TMEM17: variants seen among roughly 807,000 people sequenced by gnomAD.
The protein encoded by TMEM17 is transmembrane protein 17.
TMEM17 carries 15 observed loss-of-function variants against 19.1 expected under a neutral mutation model. The observed-to-expected ratio is 0.78, with a 90% CI of 0.52 to 1.21. TMEM17 has a LOEUF of 1.21. TMEM17 is among the 50% of genes most tolerant of loss of function. The pLI is 0.00. For synonymous variants in TMEM17, 103 were observed against 86.9 expected (o/e 1.19, Z -1.03); for missense variants, 245 against 242.3 (o/e 1.01, Z -0.07).
At chr2:62,473,183 T>C in the TMEM17 span, among the ~76,000 whole-genome samples, 1 of 152,222 alleles carries the variant, frequency 6.6e-6, no homozygotes, top group Admixed American at 6.5e-5. Context: ...CTAATTGCTT[T>C]AACAGAAGTA....
downstream of TMEM17, chr2:62,500,119 T>C (rs1230823509): frequency 6.6e-6 from 1 of 152,230 alleles, no homozygotes; most frequent in Non-Finnish European, 1.5e-5. Context: ...GCCCACTACA[T>C]AGAAAGTTCT....
chr2:62,493,641 A>C, the TMEM17 span, among the ~76,000 whole-genome samples: 2 of 152,162 alleles, frequency 1.3e-5, no homozygotes, highest in Non-Finnish European at 2.9e-5. Flanking sequence ...ATGTATTTGG[A>C]TCTGGCATTT....
At chr2:62,498,688 C>A (rs1181500398), downstream of TMEM17, among the ~76,000 whole-genome samples, 2 of 147,774 alleles carry the variant, frequency 1.4e-5, no homozygotes, top group East Asian at 3.9e-4. Flanking sequence ...TGCACTCCAG[C>A]CTGGGCGACA....
the TMEM17 span, among the ~76,000 whole-genome samples, chr2:62,462,590 A>G: frequency 6.6e-6 from 1 of 152,182 alleles, no homozygotes; most frequent in Non-Finnish European, 1.5e-5. Flanking sequence ...ATAAATGTGA[A>G]TTTAGAGACA....
downstream of TMEM17, among the ~76,000 whole-genome samples, chr2:62,499,075 A>G (rs1226533560): frequency 6.6e-6 from 1 of 152,166 alleles, no homozygotes; most frequent in African/African-American, 2.4e-5. Flanking sequence ...CATGGTCTCA[A>G]TTTACTATCT....
chr2:62,478,317 T>C, the TMEM17 span, among the ~76,000 whole-genome samples: 1 of 152,172 alleles, frequency 6.6e-6, no homozygotes, highest in Non-Finnish European at 1.5e-5. Flanking sequence ...GTGTTGCTTG[T>C]AACGAGTTCC....
At chr2:62,473,522 A>G in the TMEM17 span, among the ~76,000 whole-genome samples, 3 of 152,232 alleles carry the variant, frequency 2.0e-5, no homozygotes, top group Non-Finnish European at 4.4e-5. Flanking sequence ...TCTTGGCTGC[A>G]GAACCAGCTT....
Position 62,501,221 on chromosome 2 carries a change from T to C in TMEM17, c.585A>G (p.Ile195Met). 6.2e-7 allele frequency: 1 copy of C among 1,614,160 alleles called. No homozygotes were observed. The highest frequency in any genetic ancestry group is 8.5e-7 in the Non-Finnish European group (1 of 1,180,004). Residue 195 changes from isoleucine (I) to methionine (M), a missense_variant, in exon 4 of 4, where the codon ATA becomes ATG. By Grantham distance (10) the Ile-to-Met change is conservative. Transcript: ENST00000335390. ...RGDMRRMRSCIEEI is the reference protein window; with the variant it reads ...RGDMRRMRSCMEEI ...CAACAACACTGGATCAGATCTCTTCTATACATGACCTCATCCTTCTCATGT... is the reference window on the plus strand; with the variant it reads ...CAACAACACTGGATCAGATCTCTTCCATACATGACCTCATCCTTCTCATGT...
At chr2:62,481,162 C>G in the TMEM17 span, among the ~76,000 whole-genome samples, 2 of 151,842 alleles carry the variant, frequency 1.3e-5, no homozygotes, top group African/African-American at 4.8e-5. Context: ...TAACTTTATT[C>G]CCAGGTTTTG....
downstream of TMEM17, among the ~76,000 whole-genome samples, chr2:62,498,729 AAT>A (rs1358716717): frequency 1.0e-4 from 15 of 147,480 alleles, 1 homozygote; most frequent in South Asian, 1.0e-3. Context: ...AATAAAATAA[AAT>A]AAAATAAAAT....
chr2:62,472,580 C>G, the TMEM17 span, among the ~76,000 whole-genome samples: 5 of 152,158 alleles, frequency 3.3e-5, no homozygotes, highest in Non-Finnish European at 7.3e-5. Flanking sequence ...TTCCACTCTC[C>G]CAACTACCCA....
chr2:62,490,318 C>T, the TMEM17 span, among the ~76,000 whole-genome samples: 31 of 152,044 alleles, frequency 2.0e-4, no homozygotes, highest in Admixed American at 8.5e-4. Flanking sequence ...GGCTGGAGTG[C>T]GGTGGCACAA....
the TMEM17 span, among the ~76,000 whole-genome samples, chr2:62,479,084 TC>T: frequency 6.6e-6 from 1 of 152,210 alleles, no homozygotes; most frequent in East Asian, 1.9e-4. Context: ...CATTCACTAT[TC>T]TCCTTCTAGC....
At chr2:62,491,837 C>G in the TMEM17 span, among the ~76,000 whole-genome samples, 5 of 151,464 alleles carry the variant, frequency 3.3e-5, no homozygotes, top group African/African-American at 7.3e-5. Context: ...AAATATACAT[C>G]TCTTTAACTT....
chr2:62,478,768 AAATT>A, the TMEM17 span, among the ~76,000 whole-genome samples: 1 of 152,186 alleles, frequency 6.6e-6, no homozygotes, highest in South Asian at 2.1e-4. Flanking sequence ...TTAAAAAAAA[AAATT>A]AAAAGATAAG....
At chr2:62,488,902 G>A in the TMEM17 span, among the ~76,000 whole-genome samples, 1 of 148,922 alleles carries the variant, frequency 6.7e-6, no homozygotes, top group South Asian at 2.1e-4. Flanking sequence ...GACACACACA[G>A]GAACACCCTA....
chr2:62,458,403 A>T, the TMEM17 span, among the ~76,000 whole-genome samples: 2 of 152,186 alleles, frequency 1.3e-5, no homozygotes, highest in African/African-American at 2.4e-5. Flanking sequence ...TCAGCAGTTC[A>T]TTCCACGTGT....
chr2:62,470,306 G>C, the TMEM17 span, among the ~76,000 whole-genome samples: 78 of 152,182 alleles, frequency 5.1e-4, no homozygotes, highest in Non-Finnish European at 9.3e-4. Context: ...GCTCTGGAGA[G>C]AGTTAAATGG....
chr2:62,461,474 TCCCACTGGCCCATC>T, the TMEM17 span, among the ~76,000 whole-genome samples: 1 of 152,136 alleles, frequency 6.6e-6, no homozygotes, highest in African/African-American at 2.4e-5. Flanking sequence ...CAGTCTCTTC[TCCCACTGGCCCATC>T]CCACACTGAC....
Sources: allele counts gnomAD v4.1 joint callset (sites outside exome capture counted in the v4.1 genomes callset), GRCh38; gene constraint gnomAD v4.1.1; transcripts MANE v1.5; gene names NCBI Gene and HGNC (gene_info 2026-07-23, HGNC 2026-07-21).